METTL15: variants seen among roughly 807,000 people sequenced by gnomAD.
The protein encoded by METTL15 is 12S rRNA N(4)-cytidine methyltransferase METTL15.
A neutral mutation model predicts 38.3 loss-of-function variants in METTL15; 34 were observed. The ratio of observed to expected loss-of-function variants is 0.89; its 90% CI spans 0.68 to 1.18. The LOEUF is 1.18. METTL15 is among the 50% of genes most tolerant of loss of function. The pLI, the probability that METTL15 is intolerant of heterozygous loss-of-function variation, is 0.00. For missense variants in METTL15, 438 were observed against 498.4 expected, an observed-to-expected ratio of 0.88 and a Z score of 1.15; for synonymous variants, 162 against 170.9, an observed-to-expected ratio of 0.95 and a Z score of 0.41.
chr11:28,329,137 T>C (rs2134061556), intron 6 of METTL15, among the ~76,000 whole-genome samples: 1 of 152,244 alleles, frequency 6.6e-6, no homozygotes, highest in South Asian at 2.1e-4. Flanking sequence ...TGTTTTTGTA[T>C]ATGATGTAAG....
At chr11:28,423,532 T>G (rs1243705822) in intron 5 of METTL15, among the ~76,000 whole-genome samples, 1 of 152,058 alleles carries the variant, frequency 6.6e-6, no homozygotes, top group Admixed American at 6.6e-5. Flanking sequence ...TAAAAAATAA[T>G]GAGACCCTAT....
intron 6 of METTL15, among the ~76,000 whole-genome samples, chr11:28,500,536 CTTT>C (rs573552567): frequency 6.9e-6 from 1 of 144,522 alleles, no homozygotes; most frequent in Non-Finnish European, 1.5e-5. Context: ...TTTCCAATGT[CTTT>C]TTTTTTTTTT....
At chr11:28,310,226 G>T (rs1455972280) in intron 6 of METTL15, among the ~76,000 whole-genome samples, 2 of 152,084 alleles carry the variant, frequency 1.3e-5, no homozygotes, top group East Asian at 1.9e-4. Flanking sequence ...GGACAGAATT[G>T]CCTCATTGTC....
intron 3 of METTL15, among the ~76,000 whole-genome samples, chr11:28,205,461 A>C (rs190996581): frequency 0.018 from 2,811 of 152,264 alleles, 36 homozygotes; most frequent in Middle Eastern, 0.031. Context: ...GCTGCATAGT[A>C]TTCCATGGTG....
At chr11:28,368,288 C>G (rs546753325) in intron 5 of METTL15, among the ~76,000 whole-genome samples, 138 of 151,788 alleles carry the variant, frequency 9.1e-4, no homozygotes, top group African/African-American at 1.6e-3. Flanking sequence ...CTACAAAGAA[C>G]TTAAACAAAT....
At chr11:28,376,295 G>A (rs1316246867) in intron 5 of METTL15, among the ~76,000 whole-genome samples, 1 of 151,832 alleles carries the variant, frequency 6.6e-6, no homozygotes, top group Non-Finnish European at 1.5e-5. Flanking sequence ...TTAATGTGTG[G>A]GAGTCTAAGT....
At chr11:28,209,592 CCACATTTACAT>C (rs1852535518) in intron 3 of METTL15, among the ~76,000 whole-genome samples, 1 of 152,000 alleles carries the variant, frequency 6.6e-6, no homozygotes, top group Non-Finnish European at 1.5e-5. Context: ...TACATTTTCA[CCACATTTACAT>C]CTTTTTATAT....
chr11:28,237,585 G>A (rs1454690274), intron 4 of METTL15, among the ~76,000 whole-genome samples: 2 of 152,152 alleles, frequency 1.3e-5, no homozygotes, highest in Non-Finnish European at 2.9e-5. Flanking sequence ...ATCGTCTGAA[G>A]CCTTCTTCTC....
intron 3 of METTL15, among the ~76,000 whole-genome samples, chr11:28,152,677 A>G (rs1027871341): frequency 5.3e-5 from 8 of 151,998 alleles, no homozygotes; most frequent in Admixed American, 1.3e-4. Flanking sequence ...AGTTCCTTAT[A>G]TAAAATGATG....
intron 3 of METTL15, among the ~76,000 whole-genome samples, chr11:28,129,899 G>A (rs969483128): frequency 2.0e-5 from 3 of 152,064 alleles, no homozygotes; most frequent in Admixed American, 6.6e-5. Flanking sequence ...GGCTTATTTT[G>A]TGGAATACCA....
intron 4 of METTL15, among the ~76,000 whole-genome samples, chr11:28,353,816 T>C (rs1291367402): frequency 6.7e-6 from 1 of 148,708 alleles, no homozygotes; most frequent in African/African-American, 2.5e-5. Flanking sequence ...TCCCAGCTAC[T>C]GGGGAGGCTG....
At chr11:28,133,784 C>G (rs149871346) in intron 3 of METTL15, among the ~76,000 whole-genome samples, 1 of 152,098 alleles carries the variant, frequency 6.6e-6, no homozygotes, top group African/African-American at 2.4e-5. Flanking sequence ...AGCCCGCAAC[C>G]TTGTGAAAGA....
At position 28,421,758 on chromosome 11, in the gene METTL15, C is replaced by G. The variant is rs546748266; in HGVS notation, c.*359-2541C>G. Among the ~76,000 whole-genome samples the G allele has an allele frequency of 1.3e-4, 19 of 151,982 alleles. No individual in the cohort carries two copies. The East Asian group carries it at 1.9e-3, about 15-fold the overall frequency. ...CAACAAATGGGAAAAAAACAGAAAC[C>G]CTTTCCTCCAAGATCTTGAACATGA... On this transcript the variant is annotated intron_variant and NMD_transcript_variant, in intron 5 of 7. Coordinates refer to the METTL15 transcript ENST00000532947.
At chr11:28,337,208 AACTT>A (rs1362696851), downstream of METTL15, among the ~76,000 whole-genome samples, 1 of 152,152 alleles carries the variant, frequency 6.6e-6, no homozygotes, top group Non-Finnish European at 1.5e-5. Flanking sequence ...TAAGGTAAAA[AACTT>A]ACTTTAAGCT....
At chr11:28,531,018 C>T (rs1214365584), downstream of METTL15, among the ~76,000 whole-genome samples, 1 of 151,580 alleles carries the variant, frequency 6.6e-6, no homozygotes, top group Non-Finnish European at 1.5e-5. Flanking sequence ...TATTTATTTC[C>T]CTGTTTTACA....
intron 3 of METTL15, among the ~76,000 whole-genome samples, chr11:28,200,253 CA>C (rs1238141691): frequency 6.6e-6 from 1 of 152,110 alleles, no homozygotes; most frequent in Non-Finnish European, 1.5e-5. Context: ...GTACCTCAAA[CA>C]ATTTACCTAA....
intron 3 of METTL15, among the ~76,000 whole-genome samples, chr11:28,198,656 G>GT (rs1851994556): frequency 6.6e-6 from 1 of 152,234 alleles, no homozygotes; most frequent in East Asian, 1.9e-4. Flanking sequence ...ATAAAACAAA[G>GT]TAAGTGTTAG....
intron 5 of METTL15, among the ~76,000 whole-genome samples, chr11:28,364,946 T>G (rs1168507392): frequency 6.6e-6 from 1 of 152,224 alleles, no homozygotes; most frequent in Non-Finnish European, 1.5e-5. Context: ...TTACGGTTTT[T>G]GTTTTTGATG....
intron 5 of METTL15, among the ~76,000 whole-genome samples, chr11:28,416,771 G>T (rs558439715): frequency 7.5e-4 from 114 of 152,248 alleles, no homozygotes; most frequent in Non-Finnish European, 1.5e-3. Flanking sequence ...CCCTGTGTTT[G>T]CCAGGAGTTC....
Sources: allele counts gnomAD v4.1 joint callset (sites outside exome capture counted in the v4.1 genomes callset), GRCh38; gene constraint gnomAD v4.1.1; transcripts MANE v1.5; gene names NCBI Gene and HGNC (gene_info 2026-07-23, HGNC 2026-07-21).